OPCML: variants seen among roughly 807,000 people sequenced by gnomAD.
OPCML encodes the protein opioid binding protein/cell adhesion molecule like, also known as opioid-binding protein/cell adhesion molecule.
OPCML carries 13 observed loss-of-function variants against 37.8 expected under a neutral mutation model. The ratio of observed to expected loss-of-function variants is 0.34; its 90% CI spans 0.22 to 0.55. OPCML has a LOEUF of 0.55. OPCML is among the 20% of genes least tolerant of loss of function. The pLI is 0.91. For synonymous variants in OPCML, 176 were observed against 168.8 expected (o/e 1.04, Z -0.33); for missense variants, 341 against 435.6 (o/e 0.78, Z 1.93).
chr11:133,030,232 T>A (rs1005031368), intron 1 of OPCML, among the ~76,000 whole-genome samples: 31 of 152,222 alleles, frequency 2.0e-4, no homozygotes, highest in African/African-American at 7.0e-4. Flanking sequence ...GTCTTAAACA[T>A]GACCCAGAAG....
intron 2 of OPCML, among the ~76,000 whole-genome samples, chr11:132,721,481 C>T (rs989345409): frequency 6.6e-6 from 1 of 152,108 alleles, no homozygotes; most frequent in African/African-American, 2.4e-5. Flanking sequence ...AGCAGCAAGG[C>T]GTGCTTTCGG....
chr11:133,031,948 T>C (rs1195171051), intron 1 of OPCML, among the ~76,000 whole-genome samples: 1 of 152,228 alleles, frequency 6.6e-6, no homozygotes, highest in Admixed American at 6.5e-5. Flanking sequence ...TTTGTTTTTT[T>C]CTGTACATTA....
At chr11:132,825,190 T>C (rs1940227586) in intron 2 of OPCML, among the ~76,000 whole-genome samples, 1 of 152,180 alleles carries the variant, frequency 6.6e-6, no homozygotes, top group Non-Finnish European at 1.5e-5. Flanking sequence ...TTTCCTCAAT[T>C]TGAAAATTAC....
In OPCML at chr11:132,789,853, C is replaced by G. The variant is rs1025131284; in HGVS notation, c.147-132534G>C. ...GTGTTCATAGAGCTGAAGGTGTCAT[C>G]CAGAAAGGGGGAGGAATTTCTCAAG... On this transcript the variant is annotated intron_variant, in intron 2 of 7. Transcript: ENST00000524381. 2.0e-5 allele frequency among the ~76,000 whole-genome samples: 3 copies of G among 152,106 alleles called. No homozygotes were observed. The South Asian group carries it at 6.2e-4, about 32-fold the overall frequency.
chr11:133,256,622 C>A (rs1469232090), intron 1 of OPCML, among the ~76,000 whole-genome samples: 1 of 152,102 alleles, frequency 6.6e-6, no homozygotes, highest in Non-Finnish European at 1.5e-5. Flanking sequence ...TAAAGTTATT[C>A]ATTTATTACA....
At position 132,754,340 on chromosome 11, in the gene OPCML, T is replaced by C. The variant is rs1945956516; in HGVS notation, c.147-97021A>G. On this transcript the variant is annotated intron_variant, in intron 2 of 7. Transcript: ENST00000524381. ...ATAAGTCTTTCCTGTGCTATTCTCA[T>C]GATAATGAATAAGTCTCACAAGATC... Among the ~76,000 whole-genome samples, 3 of 152,284 alleles carry C rather than the reference T, an allele frequency of 2.0e-5. No individual in the cohort carries two copies. The South Asian group carries it at 6.2e-4, about 32-fold the overall frequency.
chr11:133,234,401 T>C (rs1283220849), intron 1 of OPCML, among the ~76,000 whole-genome samples: 1 of 152,222 alleles, frequency 6.6e-6, no homozygotes, highest in Non-Finnish European at 1.5e-5. Context: ...CAGTACAAAC[T>C]TGGCCTTTTT....
At chr11:132,608,643 C>T (rs954172569) in intron 3 of OPCML, among the ~76,000 whole-genome samples, 4 of 152,150 alleles carry the variant, frequency 2.6e-5, no homozygotes, top group Non-Finnish European at 5.9e-5. Flanking sequence ...CAAATATGAC[C>T]TGTAGCAGGA....
chr11:133,478,893 C>T (rs1462853809), intron 1 of OPCML, among the ~76,000 whole-genome samples: 1 of 151,550 alleles, frequency 6.6e-6, no homozygotes, highest in Non-Finnish European at 1.5e-5. Context: ...CCTGAGGCAC[C>T]AGAGTTAAAT....
intron 2 of OPCML, among the ~76,000 whole-genome samples, chr11:132,744,032 G>T (rs988422243): frequency 3.9e-5 from 6 of 152,122 alleles, no homozygotes; most frequent in Non-Finnish European, 8.8e-5. Flanking sequence ...GTGATCCTTG[G>T]CATTTGTGTC....
chr11:133,414,951 C>T (rs1267723921), intron 1 of OPCML, among the ~76,000 whole-genome samples: 1 of 152,058 alleles, frequency 6.6e-6, no homozygotes, highest in Non-Finnish European at 1.5e-5. Flanking sequence ...AAATGTGGTG[C>T]CCAGCACAGG....
chr11:133,195,619 G>A (rs1938506635), intron 1 of OPCML, among the ~76,000 whole-genome samples: 2 of 152,160 alleles, frequency 1.3e-5, no homozygotes, highest in Admixed American at 6.5e-5. Context: ...GATTCAATTA[G>A]CATGGGAAGA....
chr11:133,173,713 A>T lies in OPCML; in HGVS notation c.62-230703T>A, dbSNP rs887835227. On this transcript the variant is annotated intron_variant, in intron 1 of 7. Coordinates refer to ENST00000524381, the MANE Select transcript of OPCML (RefSeq NM_001012393.5). The surrounding 1 kb of genome is among the most constrained non-coding windows in gnomAD (Gnocchi z 7.8). ...AACCATCAGCACCGACTTAGCTTCAATCCTGTGGCAGTTTAAGAATCTCTA... is the reference window on the plus strand; with the variant it reads ...AACCATCAGCACCGACTTAGCTTCATTCCTGTGGCAGTTTAAGAATCTCTA... 2.0e-5 allele frequency among the ~76,000 whole-genome samples: 3 copies of T among 152,242 alleles called. No individual in the cohort carries two copies. The highest frequency in any genetic ancestry group is 7.2e-5 in the African/African-American group (3 of 41,462).
chr11:132,466,917 A>G (rs1476462994), intron 4 of OPCML, among the ~76,000 whole-genome samples: 1 of 152,210 alleles, frequency 6.6e-6, no homozygotes, highest in Non-Finnish European at 1.5e-5. Context: ...CTGTGGCTTC[A>G]AATTTGAAAA....
At chr11:132,629,412 T>TGTGC (rs1939955211) in intron 3 of OPCML, among the ~76,000 whole-genome samples, 1 of 152,222 alleles carries the variant, frequency 6.6e-6, no homozygotes, top group South Asian at 2.1e-4. Flanking sequence ...GTCTTTAGTT[T>TGTGC]CTACTTGGAC....
intron 2 of OPCML, among the ~76,000 whole-genome samples, chr11:132,914,223 G>A (rs1944531607): frequency 6.6e-6 from 1 of 152,166 alleles, no homozygotes; most frequent in South Asian, 2.1e-4. Flanking sequence ...CTGCCTTGTG[G>A]CCCTCTGCTC....
In OPCML at chr11:133,380,735, G is replaced by A. The variant is rs367947622; in HGVS notation, c.61+151529C>T. ...ATCCAGTTCCCAGCCTGCCAGTTTC[G>A]TTTTTTATTGTGATTTCATCATTCA... On this transcript the variant is annotated intron_variant, in intron 1 of 7. Transcript: ENST00000524381. Among the ~76,000 whole-genome samples the A allele has an allele frequency of 6.9e-4, 105 of 152,212 alleles. 1 individual carries two copies. Among genetic ancestry groups the A allele is most frequent in the African/African-American group, 2.0e-3 (84 of 41,526 alleles).
chr11:132,679,868 G>T (rs1942864332), intron 2 of OPCML, among the ~76,000 whole-genome samples: 1 of 152,184 alleles, frequency 6.6e-6, no homozygotes, highest in South Asian at 2.1e-4. Context: ...TATGATTATG[G>T]ACGTGTGAGT....
chr11:133,166,398 A>G (rs761277573), intron 1 of OPCML, among the ~76,000 whole-genome samples: 23 of 152,226 alleles, frequency 1.5e-4, no homozygotes, highest in Non-Finnish European at 3.2e-4. Context: ...TAAAGATGAG[A>G]TGATCTGCTC....
Sources: allele counts gnomAD v4.1 joint callset (sites outside exome capture counted in the v4.1 genomes callset), GRCh38; gene constraint gnomAD v4.1.1; non-coding constraint Gnocchi (gnomAD v3.1); transcripts MANE v1.5; gene names NCBI Gene and HGNC (gene_info 2026-07-23, HGNC 2026-07-21).